Variants in TMEM30A observed in about 807,000 individuals in gnomAD.
TMEM30A encodes cell division cycle 50 P4-ATPase accessory subunit A.
Under a neutral mutation model 38.2 loss-of-function variants are expected in TMEM30A, and 24 were observed. The observed-to-expected ratio is 0.63, with a 90% CI of 0.46 to 0.88. The LOEUF (loss-of-function observed/expected upper bound fraction) is 0.88. TMEM30A is among the 40% of genes least tolerant of loss of function. TMEM30A has a pLI of 0.00. For synonymous variants in TMEM30A, 145 were observed against 161.6 expected, an observed-to-expected ratio of 0.90 and a Z score of 0.78; for missense variants, 370 against 458.6, an observed-to-expected ratio of 0.81 and a Z score of 1.77.
intron 1 of TMEM30A, among the ~76,000 whole-genome samples, chr6:75,278,049 CTTT>C (rs535268279): frequency 6.6e-6 from 1 of 151,530 alleles, no homozygotes; most frequent in Non-Finnish European, 1.5e-5. Context: ...ACTCCTATAA[CTTT>C]TTTTTTAAGT....
chr6:75,263,389 T>C (rs1772006776), intron 3 of TMEM30A, among the ~76,000 whole-genome samples: 1 of 152,162 alleles, frequency 6.6e-6, no homozygotes, highest in Admixed American at 6.5e-5. Context: ...TTTATACTTT[T>C]TAAAAACTTC....
intron 6 of TMEM30A, among the ~76,000 whole-genome samples, chr6:75,257,727 A>G (rs1255696841): frequency 1.3e-5 from 2 of 152,214 alleles, no homozygotes; most frequent in African/African-American, 4.8e-5. Context: ...TGCAACATCA[A>G]GAGAGTAGAA....
Position 75,284,328 on chromosome 6 carries a change from G to C in TMEM30A, c.237+74C>G, listed in dbSNP as rs1218281573. ...CAGTCAACTGGATTCTGGGCGCTGG[G>C]AAAGAAGTGGAGTGGGCGCGTAGGA... is the stretch of plus-strand genomic sequence containing the variant. On this transcript the variant is annotated intron_variant, in intron 1 of 6. Coordinates refer to ENST00000230461, the MANE Select transcript of TMEM30A (RefSeq NM_018247.4). 4.2e-6 allele frequency: 6 copies of C among 1,430,910 alleles called. No individual in the cohort carries two copies. The East Asian group carries it at 1.4e-4, about 33-fold the overall frequency. The allele number at this position is 1,430,910 out of a possible 1,614,324, so 88.6% of individuals were successfully genotyped here. A position where few individuals can be genotyped will look rare whatever the true frequency, so the allele number is the denominator to read the frequency against.
intron 1 of TMEM30A, chr6:75,284,148 T>C: frequency 1.9e-6 from 1 of 534,880 alleles, no homozygotes; most frequent in Non-Finnish European, 3.4e-6. Context: ...GCATTAAACA[T>C]TCATTCCGTC....
At chr6:75,281,415 G>A (rs1262865641) in intron 1 of TMEM30A, among the ~76,000 whole-genome samples, 2 of 151,926 alleles carry the variant, frequency 1.3e-5, no homozygotes, top group Non-Finnish European at 2.9e-5. Context: ...ATATTTTCTC[G>A]TGAATGATAA....
rs1771826101 is a variant in TMEM30A at position 75,253,944 on chromosome 6, C to T, written c.*2158G>A. Reference sequence around the variant, plus strand: ...AGCTGGGTGCATTTAAAATGCAACACAATTCTTTGAAAGGAGACTATGACA... The same window carrying T: ...AGCTGGGTGCATTTAAAATGCAACATAATTCTTTGAAAGGAGACTATGACA... On this transcript the variant is annotated 3_prime_UTR_variant, in exon 7 of 7. Coordinates refer to ENST00000230461, the MANE Select transcript of TMEM30A (RefSeq NM_018247.4). 6.6e-6 allele frequency: 1 copy of T among 152,020 alleles called. No individual in the cohort carries two copies. Among genetic ancestry groups the T allele is most frequent in the African/African-American group, 2.4e-5 (1 of 41,380 alleles). The allele number at this position is 152,020 out of a possible 1,614,324, so 9.4% of individuals were successfully genotyped here.
At chr6:75,256,832 G>GAC (rs1771875691) in intron 6 of TMEM30A, 4 of 457,006 alleles carry the variant, frequency 8.8e-6, no homozygotes, top group Non-Finnish European at 1.8e-5. Context: ...CTCACTCTGT[G>GAC]ACACAGCTGA....
intron 1 of TMEM30A, chr6:75,272,907 A>G (rs774692196): frequency 6.6e-6 from 1 of 152,254 alleles, no homozygotes; most frequent in African/African-American, 2.4e-5. Flanking sequence ...GTGTAAAGGT[A>G]CAAGAGCTAG....
At chr6:75,278,254 C>T (rs984303235) in intron 1 of TMEM30A, among the ~76,000 whole-genome samples, 1 of 152,222 alleles carries the variant, frequency 6.6e-6, no homozygotes, top group African/African-American at 2.4e-5. Flanking sequence ...ATTTCACCAC[C>T]AGATAAATCT....
At chr6:75,256,782 T>TA in intron 6 of TMEM30A, 1 of 480,806 alleles carries the variant, frequency 2.1e-6, no homozygotes, top group South Asian at 1.5e-5. Context: ...AGCATGGTAA[T>TA]AAAAAAGTTT....
intron 6 of TMEM30A, among the ~76,000 whole-genome samples, chr6:75,257,472 C>T (rs554931544): frequency 6.6e-6 from 1 of 152,308 alleles, no homozygotes; most frequent in South Asian, 2.1e-4. Context: ...CAGTGCTTCA[C>T]AGACTTCCCT....
chr6:75,256,668 A>C, intron 6 of TMEM30A: 1 of 397,578 alleles, frequency 2.5e-6, no homozygotes, highest in Admixed American at 3.4e-5. Flanking sequence ...AGACCAGGAG[A>C]AAATGGAAAA....
chr6:75,253,978 T>C lies in TMEM30A; in HGVS notation c.*2124A>G, dbSNP rs1393912942. ...GAAAGGAGACTATGACATTTGAGCA[T>C]AAAGCCTATAAGAAAAAGAAATGTC... is the stretch of plus-strand genomic sequence containing the variant. On this transcript the variant is annotated 3_prime_UTR_variant, in exon 7 of 7. Coordinates refer to ENST00000230461, the MANE Select transcript of TMEM30A (RefSeq NM_018247.4). The C allele has an allele frequency of 6.6e-6, 1 of 152,098 alleles. No homozygotes were observed. The allele number at this position is 152,098 out of a possible 1,614,324, so 9.4% of individuals were successfully genotyped here.
At chr6:75,257,057 C>A (rs759721382) in intron 6 of TMEM30A, among the ~76,000 whole-genome samples, 4 of 152,142 alleles carry the variant, frequency 2.6e-5, no homozygotes, top group Admixed American at 6.5e-5. Context: ...TCTCTAGTTT[C>A]TTCAACTCTC....
At chr6:75,282,605 G>A (rs1256197050) in intron 1 of TMEM30A, among the ~76,000 whole-genome samples, 1 of 151,970 alleles carries the variant, frequency 6.6e-6, no homozygotes, top group South Asian at 2.1e-4. Context: ...CTTAGTGTAG[G>A]GTGAAAGCTT....
chr6:75,280,414 A>T (rs1212015815), intron 1 of TMEM30A, among the ~76,000 whole-genome samples: 2 of 152,176 alleles, frequency 1.3e-5, no homozygotes, highest in African/African-American at 2.4e-5. Flanking sequence ...TTATGTAACA[A>T]GAGAGAAAAC....
intron 6 of TMEM30A, among the ~76,000 whole-genome samples, chr6:75,257,382 T>C (rs951789833): frequency 9.2e-5 from 14 of 152,158 alleles, no homozygotes; most frequent in African/African-American, 3.4e-4. Flanking sequence ...ATATCATGCA[T>C]TCCTTTAGAT....
chr6:75,265,306 A>T lies in TMEM30A; in HGVS notation c.378T>A (p.Asn126Lys). ...CGTAACGACGATGGTTTTGATAGAA[A>T]TTAGACAGTCCATAATACATAAACA... is the stretch of plus-strand genomic sequence containing the variant. ...GNVFMYYGLS[N>K]FYQNHRRYVK... is the part of the protein sequence containing the mutation. The change falls in exon 3 of 7, where the codon AAT (asparagine) becomes AAA (lysine). Residue 126 changes from asparagine (N) to lysine (K), a missense_variant. Asn to Lys is a moderately conservative substitution (Grantham distance 94). Coordinates refer to ENST00000230461, the MANE Select transcript of TMEM30A (RefSeq NM_018247.4). 2 of 1,611,654 alleles carry T rather than the reference A, an allele frequency of 1.2e-6. No homozygotes were observed. The highest frequency in any genetic ancestry group is 1.7e-6 in the Non-Finnish European group (2 of 1,178,722).
chr6:75,256,918 T>C (rs989626384), intron 6 of TMEM30A: 28 of 327,106 alleles, frequency 8.6e-5, no homozygotes, highest in African/African-American at 3.4e-4. Flanking sequence ...AGATGAATTA[T>C]CTACATGGAC....
Sources: allele counts gnomAD v4.1 joint callset (sites outside exome capture counted in the v4.1 genomes callset), GRCh38; gene constraint gnomAD v4.1.1; transcripts MANE v1.5; gene names NCBI Gene and HGNC (gene_info 2026-07-23, HGNC 2026-07-21).